P2RY14: variants seen among roughly 807,000 people sequenced by gnomAD.
P2RY14 encodes the protein P2Y purinoceptor 14.
P2RY14 carries 2 observed loss-of-function variants against 0.9 expected under a neutral mutation model. The ratio of observed to expected loss-of-function variants is 2.16; its 90% confidence interval spans 0.88 to 6.79. The LOEUF (loss-of-function observed/expected upper bound fraction) is 6.79. Ranked by LOEUF, P2RY14 falls within the 30% of genes most tolerant of loss-of-function variation. The probability of loss-of-function intolerance (pLI) is 0.05; values close to 1 mark genes in which losing one functional copy is unlikely to be tolerated. For missense variants in P2RY14, 378 were observed against 400.1 expected, an observed-to-expected ratio of 0.94 and a Z score of 0.47; for synonymous variants, 158 against 147.2, an observed-to-expected ratio of 1.07 and a Z score of -0.53.
chr3:151,242,695 TAAA>T (rs1734455753), intron 1 of P2RY14, among the ~76,000 whole-genome samples: 1 of 152,048 alleles, frequency 6.6e-6, no homozygotes. Flanking sequence ...CTGGAAACTA[TAAA>T]AAGAGAGCGC....
chr3:151,239,831 T>C lies in P2RY14; in HGVS notation c.-132-20189A>G, dbSNP rs1171014644. On this transcript the variant is annotated intron_variant, in intron 1 of 2. Coordinates refer to ENST00000309170, the MANE Select transcript of P2RY14 (RefSeq NM_014879.4). ...AAGCTATTAAATATATGTATTATACTGGACTGTCTATAAATATCAAAAAAG... is the reference window on the plus strand; with the variant it reads ...AAGCTATTAAATATATGTATTATACCGGACTGTCTATAAATATCAAAAAAG... Among the ~76,000 whole-genome samples the C allele has an allele frequency of 2.0e-5, 3 of 152,234 alleles. No homozygotes were observed. The South Asian group carries it at 6.2e-4, about 32-fold the overall frequency.
chr3:151,247,420 A>G (rs1372772872), intron 1 of P2RY14, among the ~76,000 whole-genome samples: 2 of 152,066 alleles, frequency 1.3e-5, no homozygotes, highest in Non-Finnish European at 2.9e-5. Flanking sequence ...ACACCATGGA[A>G]TACTATGCAG....
chr3:151,267,827 A>G (rs6807308), intron 1 of P2RY14, among the ~76,000 whole-genome samples: 70,682 of 151,986 alleles, frequency 0.47, 16,619 homozygotes, highest in Middle Eastern at 0.66. Context: ...AACATGGAGC[A>G]TGTTTTGGCT....
intron 1 of P2RY14, among the ~76,000 whole-genome samples, chr3:151,219,891 A>ACC (rs141293857): frequency 4.7e-4 from 43 of 92,112 alleles, no homozygotes; most frequent in African/African-American, 1.1e-3. Flanking sequence ...GGTTTATATT[A>ACC]CCCCCCCCCC....
At chr3:151,263,542 A>G (rs967027897) in intron 1 of P2RY14, among the ~76,000 whole-genome samples, 5 of 152,212 alleles carry the variant, frequency 3.3e-5, no homozygotes, top group Non-Finnish European at 5.9e-5. Context: ...CCAAAATATC[A>G]TGAGCTTTAC....
intron 2 of P2RY14, among the ~76,000 whole-genome samples, chr3:151,218,138 G>T (rs1460197921): frequency 6.6e-6 from 1 of 151,826 alleles, no homozygotes; most frequent in Non-Finnish European, 1.5e-5. Flanking sequence ...GAAGGAAATC[G>T]TTTTATTCTC....
chr3:151,249,356 T>G (rs1200435321), intron 1 of P2RY14, among the ~76,000 whole-genome samples: 1 of 152,240 alleles, frequency 6.6e-6, no homozygotes, highest in Non-Finnish European at 1.5e-5. Flanking sequence ...TTCAAACTAA[T>G]TCCTTGAAAT....
chr3:151,213,569 G>C lies in P2RY14; in HGVS notation c.748C>G (p.His250Asp). ...FVFFVCFVPY[H>D]IARIPYTKSQ... Reference sequence around the variant, plus strand: ...TTTGTGTAGGGGATTCTGGCAATATGGTAAGGTACAAAACAGACAAAAAAC... The same window carrying C: ...TTTGTGTAGGGGATTCTGGCAATATCGTAAGGTACAAAACAGACAAAAAAC... Residue 250 changes from histidine to aspartate, a missense_variant, in exon 3 of 3, where the codon CAT (histidine) becomes GAT (aspartate). Coordinates refer to ENST00000309170, the MANE Select transcript of P2RY14 (RefSeq NM_014879.4). The C allele has an allele frequency of 6.2e-7, 1 of 1,614,066 alleles. No homozygotes were observed.
intron 1 of P2RY14, among the ~76,000 whole-genome samples, chr3:151,247,311 C>T (rs1735767830): frequency 6.6e-6 from 1 of 152,046 alleles, no homozygotes; most frequent in African/African-American, 2.4e-5. Context: ...GACACATGCA[C>T]ACGTATGTTT....
At chr3:151,276,468 G>A (rs1302232591) in intron 1 of P2RY14, among the ~76,000 whole-genome samples, 1 of 152,230 alleles carries the variant, frequency 6.6e-6, no homozygotes, top group Non-Finnish European at 1.5e-5. Flanking sequence ...TTGTGTTGGT[G>A]TCAGCCTACC....
At chr3:151,235,573 A>G (rs941966856) in intron 1 of P2RY14, among the ~76,000 whole-genome samples, 17 of 152,092 alleles carry the variant, frequency 1.1e-4, no homozygotes, top group African/African-American at 4.1e-4. Context: ...GCGTGCCTGT[A>G]ATCCCAGTTA....
At chr3:151,264,539 T>A (rs954171492) in intron 1 of P2RY14, among the ~76,000 whole-genome samples, 27 of 152,354 alleles carry the variant, frequency 1.8e-4, no homozygotes, top group Admixed American at 9.8e-4. Flanking sequence ...TAACCCAGTA[T>A]GGAGAGTTTT....
intron 1 of P2RY14, among the ~76,000 whole-genome samples, chr3:151,248,051 T>C (rs1736075446): frequency 6.7e-6 from 1 of 150,118 alleles, no homozygotes. Flanking sequence ...TCTATTAGTC[T>C]AGATTTTTGG....
At chr3:151,261,476 A>C (rs1196585600) in intron 1 of P2RY14, 5 of 152,208 alleles carry the variant, frequency 3.3e-5, no homozygotes, top group Admixed American at 3.3e-4. Flanking sequence ...TAGTTTTCAT[A>C]CATTACTTCC....
chr3:151,235,632 C>T (rs1472470897), intron 1 of P2RY14, among the ~76,000 whole-genome samples: 3 of 151,892 alleles, frequency 2.0e-5, no homozygotes, highest in African/African-American at 4.8e-5. Flanking sequence ...AGGCAGAGGT[C>T]GCAGTGAGCT....
rs1293289990 is a variant in P2RY14 at position 151,243,416 on chromosome 3, T to C, written c.-132-23774A>G. Among the ~76,000 whole-genome samples, 6 of 35,586 alleles carry C rather than the reference T, an allele frequency of 1.7e-4. No homozygotes were observed. In the East Asian group the frequency reaches 4.2e-3, roughly 25 times the overall value. 23.3% of individuals were successfully genotyped at this position (35,586 alleles called of 152,430 possible). On this transcript the variant is annotated intron_variant, in intron 1 of 2. Coordinates refer to ENST00000309170, the MANE Select transcript of P2RY14 (RefSeq NM_014879.4). ...AAGCCCATCAGACTAACAGCGGATC[T>C]CTCGGCAGAAACCCTACAAGCCAGA...
chr3:151,240,071 C>T (rs965608986), intron 1 of P2RY14, among the ~76,000 whole-genome samples: 7 of 151,478 alleles, frequency 4.6e-5, no homozygotes, highest in South Asian at 2.1e-4. Context: ...GTATGGCCAC[C>T]ACCTGTGGGT....
intron 1 of P2RY14, among the ~76,000 whole-genome samples, chr3:151,241,228 A>C (rs941446446): frequency 6.6e-6 from 1 of 152,208 alleles, no homozygotes; most frequent in Admixed American, 6.5e-5. Flanking sequence ...TGAGTGATCA[A>C]ATTGTTGATA....
intron 1 of P2RY14, among the ~76,000 whole-genome samples, chr3:151,275,526 A>T (rs371232509): frequency 2.0e-5 from 3 of 152,352 alleles, no homozygotes; most frequent in Non-Finnish European, 4.4e-5. Context: ...ATCTAAAAGC[A>T]TATGACCAGT....
Sources: allele counts gnomAD v4.1 joint callset (sites outside exome capture counted in the v4.1 genomes callset), GRCh38; gene constraint gnomAD v4.1.1; transcripts MANE v1.5; gene names NCBI Gene and HGNC (gene_info 2026-07-23, HGNC 2026-07-21).